TMEM163: variants seen among roughly 807,000 people sequenced by gnomAD.
TMEM163 encodes the protein transmembrane protein 163.
In TMEM163, 17 loss-of-function variants were observed where a neutral mutation model predicts 29.3. The ratio of observed to expected loss-of-function variants is 0.58; its 90% CI spans 0.40 to 0.87. TMEM163 has a LOEUF of 0.87. Among genes scored for constraint, TMEM163 ranks in the 40% least tolerant of loss-of-function variants. The pLI is 0.00. For missense variants in TMEM163, 303 were observed against 381.5 expected (o/e 0.79, Z 1.71); for synonymous variants, 157 against 160.6 (o/e 0.98, Z 0.17).
At chr2:134,707,573 T>C (rs1165558119) in intron 2 of TMEM163, among the ~76,000 whole-genome samples, 1 of 152,156 alleles carries the variant, frequency 6.6e-6, no homozygotes, top group African/African-American at 2.4e-5. Context: ...CTTTGGGTCA[T>C]GGAAGTATTT....
At chr2:134,513,879 A>C (rs2106491952) in intron 4 of TMEM163, among the ~76,000 whole-genome samples, 1 of 152,352 alleles carries the variant, frequency 6.6e-6, no homozygotes, top group African/African-American at 2.4e-5. Context: ...GTCCCTGAGC[A>C]GGGATGGCTA....
At chr2:134,566,701 T>C (rs1039381943) in intron 2 of TMEM163, among the ~76,000 whole-genome samples, 4 of 152,222 alleles carry the variant, frequency 2.6e-5, no homozygotes, top group Admixed American at 1.3e-4. Flanking sequence ...ATTATTTGCA[T>C]CCAACAAGTT....
chr2:134,603,545 T>C (rs1682282449), intron 2 of TMEM163, among the ~76,000 whole-genome samples: 2 of 152,080 alleles, frequency 1.3e-5, no homozygotes, highest in African/African-American at 4.8e-5. Context: ...ACACCACTAG[T>C]AGAACTGCTG....
At chr2:134,562,613 GA>G (rs912359865) in intron 2 of TMEM163, among the ~76,000 whole-genome samples, 1 of 152,132 alleles carries the variant, frequency 6.6e-6, no homozygotes, top group African/African-American at 2.4e-5. Context: ...CTATGAAGAA[GA>G]AAAATACACT....
At chr2:134,585,716 TG>T (rs1681807101) in intron 2 of TMEM163, among the ~76,000 whole-genome samples, 1 of 144,160 alleles carries the variant, frequency 6.9e-6, no homozygotes, top group South Asian at 2.2e-4. Context: ...CACTCCAGCC[TG>T]GGCGACAGAG....
chr2:134,550,620 C>T lies in TMEM163; in HGVS notation c.408G>A (p.Leu136=), dbSNP rs1183452762. The T allele has an allele frequency of 1.2e-6, 2 of 1,614,078 alleles. No individual in the cohort carries two copies. Among genetic ancestry groups the T allele is most frequent in the Admixed American group, 3.3e-5 (2 of 60,008 alleles). Residue 136 remains leucine (L), a synonymous_variant, in exon 4 of 8, where the codon CTG becomes CTA. Transcript: ENST00000281924. ...CAGCGGCCGCGTTGCTGTAACGCCA[C>T]AGGACAATCGCCGATGACAGGACGT... ...ILDVLSSAIV[L]WRYSNAAAVH...
At chr2:134,695,156 A>T (rs1000681754) in intron 2 of TMEM163, among the ~76,000 whole-genome samples, 6 of 152,156 alleles carry the variant, frequency 3.9e-5, no homozygotes, top group African/African-American at 1.4e-4. Context: ...GGCTCACTGC[A>T]ACCTCCGCCT....
intron 2 of TMEM163, among the ~76,000 whole-genome samples, chr2:134,638,160 A>C (rs1470705676): frequency 1.3e-5 from 2 of 152,250 alleles, no homozygotes; most frequent in Non-Finnish European, 2.9e-5. Flanking sequence ...CCGTATCAGC[A>C]AATAGACACA....
At chr2:134,491,106 T>C (rs1052726190) in intron 5 of TMEM163, among the ~76,000 whole-genome samples, 1 of 150,084 alleles carries the variant, frequency 6.7e-6, no homozygotes, top group African/African-American at 2.5e-5. Flanking sequence ...ACATTCCAGA[T>C]GGAAACATGA....
intron 2 of TMEM163, among the ~76,000 whole-genome samples, chr2:134,648,189 G>A (rs1005136061): frequency 6.6e-6 from 1 of 152,190 alleles, no homozygotes; most frequent in Non-Finnish European, 1.5e-5. Flanking sequence ...TTCCCCCAGA[G>A]TCTGGCCATC....
intron 4 of TMEM163, among the ~76,000 whole-genome samples, chr2:134,531,319 CA>C (rs1403498914): frequency 6.6e-6 from 1 of 152,134 alleles, no homozygotes; most frequent in Non-Finnish European, 1.5e-5. Context: ...TGCTGAACAC[CA>C]AAACATATTG....
At chr2:134,711,853 G>C (rs1241052276) in intron 2 of TMEM163, among the ~76,000 whole-genome samples, 4 of 152,172 alleles carry the variant, frequency 2.6e-5, no homozygotes, top group Admixed American at 1.3e-4. Context: ...ACACGTCTGA[G>C]TTACTATTAT....
chr2:134,592,525 T>C (rs1055634919), intron 2 of TMEM163, among the ~76,000 whole-genome samples: 2 of 152,178 alleles, frequency 1.3e-5, no homozygotes, highest in African/African-American at 4.8e-5. Flanking sequence ...TTGTCAGTGT[T>C]AGGATCTCTA....
At chr2:134,669,057 A>C (rs1375945521) in intron 2 of TMEM163, among the ~76,000 whole-genome samples, 1 of 152,204 alleles carries the variant, frequency 6.6e-6, no homozygotes, top group East Asian at 1.9e-4. Context: ...CTGCAGAGGC[A>C]TCTGTGAGAG....
chr2:134,680,141 G>T (rs545248046), intron 2 of TMEM163, among the ~76,000 whole-genome samples: 1 of 152,184 alleles, frequency 6.6e-6, no homozygotes, highest in Admixed American at 6.5e-5. Flanking sequence ...TGTTAACTAC[G>T]TAAATGGCTG....
At chr2:134,583,804 G>A (rs1246358387) in intron 2 of TMEM163, among the ~76,000 whole-genome samples, 1 of 152,012 alleles carries the variant, frequency 6.6e-6, no homozygotes, top group Admixed American at 6.5e-5. Context: ...TCAGGCCCAT[G>A]GCTTGCTCTC....
At chr2:134,540,512 T>C (rs1287859080) in intron 4 of TMEM163, among the ~76,000 whole-genome samples, 2 of 152,242 alleles carry the variant, frequency 1.3e-5, no homozygotes, top group Non-Finnish European at 2.9e-5. Flanking sequence ...GGGTTGTAGC[T>C]AATTGCTAGG....
At chr2:134,694,369 C>G (rs111319642) in intron 2 of TMEM163, among the ~76,000 whole-genome samples, 3 of 152,202 alleles carry the variant, frequency 2.0e-5, no homozygotes, top group East Asian at 3.9e-4. Flanking sequence ...AAGAGGGTAA[C>G]GAATCTCTAA....
intron 2 of TMEM163, among the ~76,000 whole-genome samples, chr2:134,701,395 TATAATA>T (rs1684701408): frequency 6.6e-6 from 1 of 152,092 alleles, no homozygotes; most frequent in Admixed American, 6.6e-5. Flanking sequence ...GGTAGCACAG[TATAATA>T]AAGAGAAGAC....
Sources: allele counts gnomAD v4.1 joint callset (sites outside exome capture counted in the v4.1 genomes callset), GRCh38; gene constraint gnomAD v4.1.1; transcripts MANE v1.5; gene names NCBI Gene and HGNC (gene_info 2026-07-23, HGNC 2026-07-21).